The following ANKS1B variants were observed in gnomAD, a reference collection of about 807,000 sequenced individuals.
ANKS1B encodes the protein ankyrin repeat and sterile alpha motif domain containing 1B.
Under a neutral mutation model 148.3 loss-of-function variants are expected in ANKS1B, and 36 were observed. The ratio of observed to expected loss-of-function variants is 0.24; its 90% CI spans 0.19 to 0.32. The LOEUF (loss-of-function observed/expected upper bound fraction) is 0.32. ANKS1B is among the 10% of genes least tolerant of loss of function. The pLI, the probability that ANKS1B is intolerant of heterozygous loss-of-function variation, is 1.00. For missense variants in ANKS1B, 1,157 were observed against 1,542.6 expected (o/e 0.75, Z 4.19); for synonymous variants, 542 against 560.8 (o/e 0.97, Z 0.47).
At chr12:99,866,946 G>T (rs2090835262) in intron 1 of ANKS1B, among the ~76,000 whole-genome samples, 1 of 152,010 alleles carries the variant, frequency 6.6e-6, no homozygotes, top group South Asian at 2.1e-4. Context: ...GGGGTTCAGG[G>T]AAAAAGATAG....
chr12:98,763,244 C>G (rs898913360), intron 25 of ANKS1B, among the ~76,000 whole-genome samples: 9 of 152,148 alleles, frequency 5.9e-5, no homozygotes, highest in Non-Finnish European at 8.8e-5. Context: ...AAAATAACTT[C>G]GAGAATATTC....
chr12:99,397,090 C>T (rs918731266), intron 12 of ANKS1B, among the ~76,000 whole-genome samples: 6 of 152,080 alleles, frequency 3.9e-5, no homozygotes, highest in African/African-American at 1.4e-4. Flanking sequence ...TAGTACATAG[C>T]AGACAATACA....
At chr12:99,855,317 G>A (rs558709600) in intron 1 of ANKS1B, among the ~76,000 whole-genome samples, 5 of 151,736 alleles carry the variant, frequency 3.3e-5, no homozygotes, top group Admixed American at 3.3e-4. Context: ...ACACAAAAAG[G>A]GACATTATAT....
intron 9 of ANKS1B, among the ~76,000 whole-genome samples, chr12:99,576,526 C>G (rs888810444): frequency 2.0e-5 from 3 of 152,018 alleles, no homozygotes; most frequent in African/African-American, 7.2e-5. Context: ...AAAATCATAC[C>G]AATCACACTC....
chr12:99,911,171 C>T (rs959238245), intron 1 of ANKS1B, among the ~76,000 whole-genome samples: 2 of 152,170 alleles, frequency 1.3e-5, no homozygotes, highest in Admixed American at 1.3e-4. Context: ...AAACTCCGGT[C>T]ACTGCACTCT....
chr12:99,615,218 T>A (rs1165164648), intron 9 of ANKS1B, among the ~76,000 whole-genome samples: 1 of 152,028 alleles, frequency 6.6e-6, no homozygotes, highest in Non-Finnish European at 1.5e-5. Context: ...TACACACACA[T>A]AAACTCATGC....
downstream of ANKS1B, among the ~76,000 whole-genome samples, chr12:98,740,613 A>G (rs902034397): frequency 2.6e-5 from 4 of 152,148 alleles, no homozygotes; most frequent in African/African-American, 9.7e-5. Context: ...TTTGCCTTTT[A>G]GCTATTACTG....
At chr12:99,325,755 A>G (rs1022301607) in intron 12 of ANKS1B, among the ~76,000 whole-genome samples, 1 of 152,140 alleles carries the variant, frequency 6.6e-6, no homozygotes, top group African/African-American at 2.4e-5. Context: ...TTTTATCAGT[A>G]CGATCCTAAA....
chr12:99,146,358 C>T (rs983022089), intron 15 of ANKS1B, among the ~76,000 whole-genome samples: 5 of 152,240 alleles, frequency 3.3e-5, no homozygotes, highest in South Asian at 2.1e-4. Flanking sequence ...GGGACAGTTA[C>T]GCCAGCCAGA....
intron 8 of ANKS1B, among the ~76,000 whole-genome samples, chr12:99,761,691 T>C (rs1394011456): frequency 6.6e-6 from 1 of 152,044 alleles, no homozygotes; most frequent in African/African-American, 2.4e-5. Context: ...CTGAAAGTCC[T>C]AGCTGGAGCC....
intron 14 of ANKS1B, among the ~76,000 whole-genome samples, chr12:99,229,842 G>A (rs1412572025): frequency 6.6e-6 from 1 of 151,962 alleles, no homozygotes; most frequent in Non-Finnish European, 1.5e-5. Context: ...TGTCTACAAA[G>A]AAGACATTTG....
chr12:98,894,275 G>A (rs1382658918), intron 17 of ANKS1B, among the ~76,000 whole-genome samples: 3 of 151,882 alleles, frequency 2.0e-5, no homozygotes, highest in Non-Finnish European at 2.9e-5. Context: ...AACGACCTTT[G>A]GAAAATATAC....
At chr12:99,692,973 A>G (rs2053346142) in intron 8 of ANKS1B, among the ~76,000 whole-genome samples, 1 of 152,226 alleles carries the variant, frequency 6.6e-6, no homozygotes, top group East Asian at 1.9e-4. Flanking sequence ...ATGTAAAGCA[A>G]AAGTACTGGA....
chr12:98,966,142 C>G (rs1048760509), intron 17 of ANKS1B, among the ~76,000 whole-genome samples: 5 of 152,098 alleles, frequency 3.3e-5, no homozygotes, highest in African/African-American at 1.2e-4. Flanking sequence ...TTTTTGCAAT[C>G]TACTCATCTG....
At chr12:99,079,865 A>G (rs1451238893) in intron 16 of ANKS1B, 1 of 152,120 alleles carries the variant, frequency 6.6e-6, no homozygotes, top group African/African-American at 2.4e-5. Context: ...ATGGCACAGA[A>G]TAGACTCGCT....
intron 15 of ANKS1B, among the ~76,000 whole-genome samples, chr12:99,128,280 G>T (rs751763065): frequency 1.3e-5 from 2 of 152,078 alleles, no homozygotes; most frequent in Non-Finnish European, 2.9e-5. Flanking sequence ...ATACTGTAAT[G>T]GATTCTGAAA....
At chr12:99,266,174 T>C (rs770324930) in intron 12 of ANKS1B, among the ~76,000 whole-genome samples, 9 of 152,176 alleles carry the variant, frequency 5.9e-5, no homozygotes, top group Non-Finnish European at 1.3e-4. Flanking sequence ...TAGTGTTTTA[T>C]ATGTATCATT....
At chr12:98,773,459 T>C (rs2098623805) in intron 24 of ANKS1B, among the ~76,000 whole-genome samples, 1 of 152,176 alleles carries the variant, frequency 6.6e-6, no homozygotes, top group South Asian at 2.1e-4. Context: ...GGCCACTTTT[T>C]TTTTGTTTGT....
chr12:99,104,264 T>C (rs563748508), intron 15 of ANKS1B, among the ~76,000 whole-genome samples: 2 of 152,252 alleles, frequency 1.3e-5, no homozygotes, highest in African/African-American at 4.8e-5. Flanking sequence ...TATGCGTGTA[T>C]GTGTATGTTG....
Sources: gnomAD v4.1 joint callset for allele counts (sites outside exome capture counted in the v4.1 genomes callset) on GRCh38, gnomAD v4.1.1 for gene constraint, MANE v1.5 for transcripts, NCBI Gene and HGNC (gene_info 2026-07-23, HGNC 2026-07-21) for gene names.